Variants in RAPGEF1 observed in about 807,000 individuals in gnomAD.
The protein encoded by RAPGEF1 is CRK SH3-binding GNRP.
In RAPGEF1, 33 loss-of-function variants were observed where a neutral mutation model predicts 143.3. The ratio of observed to expected loss-of-function variants is 0.23; its 90% confidence interval spans 0.17 to 0.31. RAPGEF1 has a LOEUF of 0.31. Ranked by LOEUF, RAPGEF1 falls within the 10% of genes least tolerant of loss-of-function variation. The pLI is 1.00. For synonymous variants in RAPGEF1, 629 were observed against 676.5 expected (o/e 0.93, Z 1.09); for missense variants, 1,199 against 1,645.4 (o/e 0.73, Z 4.69).
chr9:131,618,976 T>C, intron 12 of RAPGEF1, 75 bp downstream of exon 12: 1 of 1,248,542 alleles, frequency 8.0e-7, no homozygotes, highest in Non-Finnish European at 1.1e-6. Flanking sequence ...GCAGAACACA[T>C]GGCTGAGGCA....
In RAPGEF1 at chr9:131,589,131, C is replaced by T. The variant is rs1025897048; in HGVS notation, c.2868-145G>A. 7 of 771,558 alleles carry T rather than the reference C, an allele frequency of 9.1e-6. No individual in the cohort carries two copies. The African/African-American group carries it at 1.1e-4, about 12-fold the overall frequency. 47.8% of individuals were successfully genotyped at this position (771,558 alleles called of 1,614,324 possible). The stretch of plus-strand genomic sequence containing the variant: ...TTTCTCATGGGAAGAGAGCAGGAGA[C>T]GAGAGCCTGGGATGGCTGCCTGTGT... On this transcript the variant is annotated intron_variant, in intron 19 of 26. Coordinates refer to ENST00000683357, the MANE Select transcript of RAPGEF1 (RefSeq NM_001377935.1).
At chr9:131,625,370 C>T (rs2132950394) in intron 10 of RAPGEF1, among the ~76,000 whole-genome samples, 1 of 152,272 alleles carries the variant, frequency 6.6e-6, no homozygotes. Context: ...CAGCTCCAAC[C>T]CTGGGCTCCA....
chr9:131,731,586 T>G (rs1368096675), intron 1 of RAPGEF1, among the ~76,000 whole-genome samples: 1 of 152,204 alleles, frequency 6.6e-6, no homozygotes, highest in Non-Finnish European at 1.5e-5. Flanking sequence ...GCTCCGTTTT[T>G]AACAATACAG....
At chr9:131,690,409 T>C (rs1360665970) in intron 1 of RAPGEF1, among the ~76,000 whole-genome samples, 4 of 152,256 alleles carry the variant, frequency 2.6e-5, no homozygotes, top group Non-Finnish European at 4.4e-5. Flanking sequence ...AAAGGAATTT[T>C]ATGTTTGATC....
intron 16 of RAPGEF1, 44 bp from the exon 17 acceptor site, chr9:131,596,417 C>T: frequency 1.9e-6 from 3 of 1,585,982 alleles, no homozygotes; most frequent in Non-Finnish European, 2.6e-6. Context: ...AGAGTATGCC[C>T]TTCAGAGAAT....
intron 1 of RAPGEF1, among the ~76,000 whole-genome samples, chr9:131,721,773 C>T (rs1836285083): frequency 6.6e-6 from 1 of 152,066 alleles, no homozygotes; most frequent in Non-Finnish European, 1.5e-5. Context: ...TCAATATTCC[C>T]TAAGTAAGAT....
chr9:131,672,825 C>A (rs1029175883), intron 1 of RAPGEF1, among the ~76,000 whole-genome samples: 1 of 151,866 alleles, frequency 6.6e-6, no homozygotes, highest in East Asian at 1.9e-4. Flanking sequence ...AGGGGGTGAC[C>A]ACCAGTTCCA....
intron 1 of RAPGEF1, among the ~76,000 whole-genome samples, chr9:131,684,741 G>A (rs552078227): frequency 6.6e-6 from 1 of 152,344 alleles, no homozygotes; most frequent in South Asian, 2.1e-4. Context: ...TTGGAGTAGA[G>A]GTTATGCTTG....
In RAPGEF1 at chr9:131,628,450, C is replaced by T. The variant is rs1399983158; in HGVS notation, c.1017+99G>A. 1.4e-5 allele frequency: 20 copies of T among 1,471,168 alleles called. No homozygotes were observed. In the Middle Eastern group the frequency reaches 9.7e-4, roughly 71 times the overall value. 91.1% of individuals were successfully genotyped at this position (1,471,168 alleles called of 1,614,324 possible). ...CACTCCTCGATGTGACAAACACCAG[C>T]GCCTGAAGACCATGGGTTTCTTTCA... On this transcript the variant is annotated intron_variant, in intron 8 of 26. Coordinates refer to ENST00000683357, the MANE Select transcript of RAPGEF1 (RefSeq NM_001377935.1). The surrounding 1 kb of genome is among the most constrained non-coding windows in gnomAD (Gnocchi z 5.7).
Position 131,715,001 on chromosome 9 carries a change from G to A in RAPGEF1, c.61+24769C>T, listed in dbSNP as rs542103517. On this transcript the variant is annotated intron_variant, in intron 1 of 26. Coordinates refer to ENST00000683357, the MANE Select transcript of RAPGEF1 (RefSeq NM_001377935.1). ...GCTGGAATTATAGGCATGAGCCACC[G>A]AGTCTGGCCGAGACTGCTTTGAAGT... is the stretch of plus-strand genomic sequence containing the variant. 1.4e-3 allele frequency among the ~76,000 whole-genome samples: 218 copies of A among 152,192 alleles called. 2 individuals carry two copies. The highest frequency in any genetic ancestry group is 4.2e-3 in the African/African-American group (175 of 41,498).
intron 1 of RAPGEF1, among the ~76,000 whole-genome samples, chr9:131,657,173 G>T (rs1399606239): frequency 1.3e-5 from 2 of 152,324 alleles, no homozygotes; most frequent in East Asian, 1.9e-4. Flanking sequence ...GGGTGGGGAG[G>T]AAACGACAGG....
chr9:131,729,115 T>C (rs1382585677), intron 1 of RAPGEF1, among the ~76,000 whole-genome samples: 1 of 152,170 alleles, frequency 6.6e-6, no homozygotes, highest in Admixed American at 6.5e-5. Flanking sequence ...GGGGCACTGA[T>C]CCAGTGCATC....
At chr9:131,685,192 G>A (rs1833238331) in intron 1 of RAPGEF1, among the ~76,000 whole-genome samples, 1 of 152,180 alleles carries the variant, frequency 6.6e-6, no homozygotes, top group Admixed American at 6.5e-5. Flanking sequence ...TTTAATCTGT[G>A]TTGTCTTTGT....
At chr9:131,624,929 C>T (rs1490518302) in intron 10 of RAPGEF1, among the ~76,000 whole-genome samples, 1 of 152,252 alleles carries the variant, frequency 6.6e-6, no homozygotes, top group African/African-American at 2.4e-5. Flanking sequence ...TCATCGCAGC[C>T]GCCGCCTTCT....
At chr9:131,688,594 C>T (rs1052949559) in intron 1 of RAPGEF1, among the ~76,000 whole-genome samples, 1 of 152,214 alleles carries the variant, frequency 6.6e-6, no homozygotes, top group Non-Finnish European at 1.5e-5. Flanking sequence ...CACCCTGAAT[C>T]ACTAGAAACT....
At chr9:131,633,108 C>G (rs1161526581) in intron 5 of RAPGEF1, among the ~76,000 whole-genome samples, 9 of 152,192 alleles carry the variant, frequency 5.9e-5, no homozygotes, top group Admixed American at 5.9e-4. Context: ...AGCAAAATCT[C>G]TAAGAGCCAA....
intron 1 of RAPGEF1, among the ~76,000 whole-genome samples, chr9:131,718,911 C>T (rs936418096): frequency 6.6e-6 from 1 of 152,168 alleles, no homozygotes; most frequent in Non-Finnish European, 1.5e-5. Context: ...AGATGAAACC[C>T]TTTACAGAGC....
rs146127556 is a variant in RAPGEF1, at chr9:131,655,423, G to C, written c.62-4474C>G. On this transcript the variant is annotated intron_variant, in intron 1 of 26. Coordinates refer to ENST00000683357, the MANE Select transcript of RAPGEF1 (RefSeq NM_001377935.1). This position sits in a 1 kb window ranked among gnomAD's most constrained non-coding sequence, Gnocchi z 4.1. Reference sequence around the variant, plus strand: ...CAACACCAGCCCTCATATGTCAGCAGTCATCCCTCGCATTCAAATGAACTG... The same window carrying C: ...CAACACCAGCCCTCATATGTCAGCACTCATCCCTCGCATTCAAATGAACTG... Among the ~76,000 whole-genome samples, 23 of 152,358 alleles carry C rather than the reference G, an allele frequency of 1.5e-4. No individual in the cohort carries two copies. Among genetic ancestry groups the C allele is most frequent in the Non-Finnish European group, 5.9e-5 (4 of 68,040 alleles).
intron 14 of RAPGEF1, among the ~76,000 whole-genome samples, chr9:131,602,537 T>C (rs1344484599): frequency 6.6e-6 from 1 of 152,120 alleles, no homozygotes; most frequent in African/African-American, 2.4e-5. Context: ...ACTCCATGCA[T>C]AGAAACAGAG....
Sources: allele counts gnomAD v4.1 joint callset (sites outside exome capture counted in the v4.1 genomes callset), GRCh38; gene constraint gnomAD v4.1.1; non-coding constraint Gnocchi (gnomAD v3.1); transcripts MANE v1.5; gene names NCBI Gene and HGNC (gene_info 2026-07-23, HGNC 2026-07-21).